Variants in BEND4 observed in about 807,000 individuals in gnomAD.
BEND4 encodes the protein BEN domain-containing protein 4.
BEND4 carries 27 observed loss-of-function variants against 54.7 expected under a neutral mutation model. That is an observed-to-expected ratio of 0.49 (90% CI 0.36 to 0.68). The LOEUF (loss-of-function observed/expected upper bound fraction) is 0.68. BEND4 is among the 30% of genes least tolerant of loss of function. The pLI, the probability that BEND4 is intolerant of heterozygous loss-of-function variation, is 0.00. For synonymous variants in BEND4, 327 were observed against 299.5 expected, an observed-to-expected ratio of 1.09 and a Z score of -0.95; for missense variants, 702 against 697.2, an observed-to-expected ratio of 1.01 and a Z score of -0.08.
At chr4:42,124,406 A>G (rs1054182307) in intron 4 of BEND4, among the ~76,000 whole-genome samples, 11 of 152,244 alleles carry the variant, frequency 7.2e-5, no homozygotes, top group African/African-American at 2.7e-4. Flanking sequence ...AAGGCAGTAG[A>G]GAGTGAGAGA....
At chr4:42,139,974 A>G (rs933176224) in intron 3 of BEND4, among the ~76,000 whole-genome samples, 16 of 152,220 alleles carry the variant, frequency 1.1e-4, no homozygotes, top group African/African-American at 3.6e-4. Flanking sequence ...TTTTCTTCAA[A>G]TGATAACAGA....
At chr4:42,132,634 G>C (rs1006246341) in intron 3 of BEND4, among the ~76,000 whole-genome samples, 11 of 151,930 alleles carry the variant, frequency 7.2e-5, no homozygotes, top group Admixed American at 2.0e-4. Context: ...TCAGTAGAGA[G>C]GGAGTTTTAC....
rs1186499923 is a variant in BEND4 at position 42,152,203 on chromosome 4, G to A, written c.-60C>T. On this transcript the variant is annotated 5_prime_UTR_variant, in exon 2 of 6. Coordinates refer to ENST00000502486, the MANE Select transcript of BEND4 (RefSeq NM_207406.4). ...CCCTCCCCGCCGGGCGCCGGGCTCCGAGGGTGCCTCCGCCGCCTGCCCGCC... is the reference window on the plus strand; with the variant it reads ...CCCTCCCCGCCGGGCGCCGGGCTCCAAGGGTGCCTCCGCCGCCTGCCCGCC... 9 of 1,231,444 alleles carry A rather than the reference G, an allele frequency of 7.3e-6. No homozygotes were observed. Among genetic ancestry groups the A allele is most frequent in the African/African-American group, 3.1e-5 (2 of 63,750 alleles). 76.3% of individuals were successfully genotyped at this position (1,231,444 alleles called of 1,614,324 possible).
chr4:42,124,814 A>C (rs1228023609), intron 4 of BEND4, among the ~76,000 whole-genome samples: 3 of 152,214 alleles, frequency 2.0e-5, no homozygotes, highest in African/African-American at 7.2e-5. Flanking sequence ...ACCCGGGCCC[A>C]ACTTTCAAGA....
rs1354231872 is a variant in BEND4, at chr4:42,113,667, T to C, written c.*3851A>G. ...TACCACTAGTTGATGGGACATGGAG[T>C]AGTTGGATCAAGTAAAAAAATGGTT... On this transcript the variant is annotated 3_prime_UTR_variant, in exon 6 of 6. Transcript: ENST00000502486. 2.0e-5 allele frequency: 3 copies of C among 151,916 alleles called. No individual in the cohort carries two copies. The highest frequency in any genetic ancestry group is 7.3e-5 in the African/African-American group (3 of 41,312). 9.4% of individuals were successfully genotyped at this position (151,916 alleles called of 1,614,324 possible).
chr4:42,150,928 TG>T (rs1205149018), intron 2 of BEND4: 2 of 150,352 alleles, frequency 1.3e-5, no homozygotes, highest in Non-Finnish European at 3.0e-5. Flanking sequence ...ACGTGGGCGG[TG>T]GGAGCAGAGT....
chr4:42,132,218 C>T (rs1035727165), intron 3 of BEND4, among the ~76,000 whole-genome samples: 2 of 152,136 alleles, frequency 1.3e-5, no homozygotes, highest in African/African-American at 4.8e-5. Context: ...GTGGAGTTTC[C>T]GAGTGAGGAC....
At chr4:42,136,312 A>G (rs1467359493) in intron 3 of BEND4, among the ~76,000 whole-genome samples, 1 of 152,184 alleles carries the variant, frequency 6.6e-6, no homozygotes, top group African/African-American at 2.4e-5. Flanking sequence ...AACTGACATG[A>G]TTGATCATTT....
At chr4:42,146,227 T>C (rs1433118146) in intron 2 of BEND4, among the ~76,000 whole-genome samples, 1 of 152,122 alleles carries the variant, frequency 6.6e-6, no homozygotes, top group Non-Finnish European at 1.5e-5. Flanking sequence ...GAGACCATGG[T>C]GTCAGATCCT....
At chr4:42,123,985 G>A (rs1020409531) in intron 4 of BEND4, among the ~76,000 whole-genome samples, 4 of 152,208 alleles carry the variant, frequency 2.6e-5, no homozygotes, top group African/African-American at 4.8e-5. Flanking sequence ...TATTTGGCAC[G>A]GTGGTCTACA....
intron 2 of BEND4, among the ~76,000 whole-genome samples, chr4:42,150,000 T>C (rs552881267): frequency 4.6e-5 from 7 of 151,856 alleles, no homozygotes; most frequent in Admixed American, 1.3e-4. Flanking sequence ...AAAACGTCAA[T>C]GAAAATGATG....
chr4:42,130,276 C>T (rs532555260), intron 3 of BEND4, among the ~76,000 whole-genome samples: 2 of 151,922 alleles, frequency 1.3e-5, no homozygotes, highest in South Asian at 2.1e-4. Flanking sequence ...GTCAGGAGAT[C>T]GAGACCATCC....
At chr4:42,123,696 A>AAAAAAAAAACAAAAC (rs1560575985) in intron 4 of BEND4, among the ~76,000 whole-genome samples, 1 of 113,118 alleles carries the variant, frequency 8.8e-6, no homozygotes, top group Non-Finnish European at 1.9e-5. Context: ...GTAATTCAGA[A>AAAAAAAAAACAAAAC]AAAAAAAAAA....
Position 42,143,630 on chromosome 4 carries a change from G to A in BEND4, c.852C>T (p.Thr284=), listed in dbSNP as rs766330986. The A allele has an allele frequency of 1.2e-6, 2 of 1,612,194 alleles. No homozygotes were observed. The highest frequency in any genetic ancestry group is 2.2e-5 in the East Asian group (1 of 44,874). ...AGCCACCTAATGTATGCACAGGAGA[G>A]GTTGACAGAGGATCCACGTCGGCCA... ...GHLADVDPLS[T]SPVHTLGGWT... Residue 284 remains threonine (T), a synonymous_variant, in exon 3 of 6, where the codon ACC becomes ACT. Coordinates refer to ENST00000502486, the MANE Select transcript of BEND4 (RefSeq NM_207406.4).
intron 3 of BEND4, 135 bp from the exon 4 acceptor site, chr4:42,125,809 G>C: frequency 3.5e-6 from 2 of 576,288 alleles, no homozygotes; most frequent in Non-Finnish European, 6.0e-6. Context: ...GGTGATCTCA[G>C]CTCACTGCAA....
At chr4:42,130,564 C>A (rs939931994) in intron 3 of BEND4, among the ~76,000 whole-genome samples, 1 of 150,254 alleles carries the variant, frequency 6.7e-6, no homozygotes, top group East Asian at 2.0e-4. Flanking sequence ...CAAGAAACAA[C>A]AGATGCTGGC....
Position 42,151,853 on chromosome 4 carries a change from A to T in BEND4, c.291T>A (p.Ala97=). The T allele has an allele frequency of 9.1e-6, 12 of 1,320,730 alleles. No individual in the cohort carries two copies. Among genetic ancestry groups the T allele is most frequent in the Non-Finnish European group, 1.1e-5 (12 of 1,044,792 alleles). 81.8% of individuals were successfully genotyped at this position (1,320,730 alleles called of 1,614,324 possible). ...PPGPGRAAAA[A]SSSSPSCTPA... ...GCGTGCAGGACGGCGACGACGACGA[A>T]GCGGCGGCGGCGGCCCGGCCGGGCC... Residue 97 remains alanine (A), a synonymous_variant, in exon 2 of 6, where the codon GCT becomes GCA. Coordinates refer to ENST00000502486, the MANE Select transcript of BEND4 (RefSeq NM_207406.4).
At chr4:42,147,777 G>C (rs1721128852) in intron 2 of BEND4, among the ~76,000 whole-genome samples, 1 of 152,058 alleles carries the variant, frequency 6.6e-6, no homozygotes, top group South Asian at 2.1e-4. Flanking sequence ...TTCATTTTGG[G>C]AAATTCGTCT....
chr4:42,139,232 TG>T, intron 3 of BEND4, among the ~76,000 whole-genome samples: 2 of 152,298 alleles, frequency 1.3e-5, no homozygotes, highest in Admixed American at 1.3e-4. Flanking sequence ...TCTAGTGTGG[TG>T]ATCTAATACA....
Sources: gnomAD v4.1 joint callset for allele counts (sites outside exome capture counted in the v4.1 genomes callset) on GRCh38, gnomAD v4.1.1 for gene constraint, MANE v1.5 for transcripts, NCBI Gene and HGNC (gene_info 2026-07-23, HGNC 2026-07-21) for gene names.